The following PDCD6 variants were observed in gnomAD, a reference collection of about 807,000 sequenced individuals.
PDCD6 encodes programmed cell death 6.
Under a neutral mutation model 28.3 loss-of-function variants are expected in PDCD6, and 12 were observed. That is an observed-to-expected ratio of 0.42 (90% CI 0.27 to 0.69). PDCD6 has a LOEUF of 0.69. Ranked by LOEUF, PDCD6 falls within the 30% of genes least tolerant of loss-of-function variation. PDCD6 has a pLI of 0.22. For synonymous variants in PDCD6, 92 were observed against 108.0 expected (o/e 0.85, Z 0.92); for missense variants, 226 against 269.9 (o/e 0.84, Z 1.14).
chr5:271,698 A>T lies in PDCD6; in HGVS notation c.-23A>T. Reference sequence around the variant, plus strand: ...GGTCTCTCGTCGCTGCAGGCGCCTCAGCCCAGCCGCGTGCCTTGGCCCATG... The same window carrying T: ...GGTCTCTCGTCGCTGCAGGCGCCTCTGCCCAGCCGCGTGCCTTGGCCCATG... On this transcript the variant is annotated 5_prime_UTR_variant, in exon 1 of 6. Coordinates refer to ENST00000264933, the MANE Select transcript of PDCD6 (RefSeq NM_013232.4). 1 of 1,438,884 alleles carries T rather than the reference A, an allele frequency of 6.9e-7. No homozygotes were observed. The highest frequency in any genetic ancestry group is 9.5e-7 in the Non-Finnish European group (1 of 1,057,770). 89.1% of individuals were successfully genotyped at this position (1,438,884 alleles called of 1,614,324 possible).
intron 2 of PDCD6, among the ~76,000 whole-genome samples, chr5:285,391 T>C (rs1738884889): frequency 1.3e-5 from 2 of 152,006 alleles, no homozygotes; most frequent in African/African-American, 4.8e-5. Flanking sequence ...GGAGCTGATA[T>C]TCCAGTTTGA....
intron 2 of PDCD6, among the ~76,000 whole-genome samples, chr5:280,120 C>T (rs1160508273): frequency 1.3e-5 from 2 of 151,558 alleles, no homozygotes; most frequent in Non-Finnish European, 2.9e-5. Flanking sequence ...GCCAGCGGGG[C>T]GAGAGGACAC....
chr5:311,751 T>G, intron 5 of PDCD6: 1 of 258,400 alleles, frequency 3.9e-6, no homozygotes, highest in Non-Finnish European at 7.4e-6. Flanking sequence ...GGGAGTGCAG[T>G]GGCACGATCC....
chr5:306,422 A>G (rs1740487301), intron 3 of PDCD6, 180 bp from the exon 4 acceptor site: 1 of 611,520 alleles, frequency 1.6e-6, no homozygotes, highest in Admixed American at 2.5e-5. Context: ...ACCCAGGGCG[A>G]AGGTGACAAG....
In PDCD6 at chr5:314,741, T is replaced by G. The variant is rs1398556913; in HGVS notation, c.*226T>G. On this transcript the variant is annotated 3_prime_UTR_variant, in exon 6 of 6. Coordinates refer to ENST00000264933, the MANE Select transcript of PDCD6 (RefSeq NM_013232.4). Reference sequence around the variant, plus strand: ...ACATTGGATTTGGTGACTGTCTCATTGTGCCATGAGGTAAATGTAATGTTT... The same window carrying G: ...ACATTGGATTTGGTGACTGTCTCATGGTGCCATGAGGTAAATGTAATGTTT... 1 of 633,010 alleles carries G rather than the reference T, an allele frequency of 1.6e-6. No individual in the cohort carries two copies. The highest frequency in any genetic ancestry group is 2.1e-5 in the Admixed American group (1 of 46,566). The allele number at this position is 633,010 out of a possible 1,614,324, so 39.2% of individuals were successfully genotyped here.
intron 2 of PDCD6, among the ~76,000 whole-genome samples, chr5:299,716 AT>A (rs1181115218): frequency 1.3e-5 from 2 of 151,902 alleles, no homozygotes; most frequent in Admixed American, 6.6e-5. Context: ...TGCCTGGCTA[AT>A]TTTTTGTATT....
At chr5:302,759 T>C (rs1346542659) in intron 2 of PDCD6, among the ~76,000 whole-genome samples, 3 of 146,146 alleles carry the variant, frequency 2.1e-5, no homozygotes, top group Non-Finnish European at 4.5e-5. Context: ...CTTCCCTGCA[T>C]AACTGCTGGA....
intron 2 of PDCD6, among the ~76,000 whole-genome samples, chr5:279,371 CT>C (rs1738421138): frequency 6.6e-6 from 1 of 152,070 alleles, no homozygotes. Flanking sequence ...CCCTCTTAGG[CT>C]CTTGATTTTC....
chr5:296,877 G>A (rs6863033), intron 2 of PDCD6, among the ~76,000 whole-genome samples: 1,705 of 152,026 alleles, frequency 0.011, 24 homozygotes, highest in African/African-American at 0.038. Flanking sequence ...GGGTCACCGG[G>A]ATTCGTCTTT....
At chr5:290,254 A>G in intron 2 of PDCD6, 2 of 1,508,894 alleles carry the variant, frequency 1.3e-6, no homozygotes, top group Non-Finnish European at 1.8e-6. Context: ...GATCCAGGAC[A>G]GGACAAACTT....
In PDCD6 at chr5:271,835, C is replaced by T. The variant is rs753920508; in HGVS notation, c.101+14C>T. 6 of 1,367,730 alleles carry T rather than the reference C, an allele frequency of 4.4e-6. No homozygotes were observed. The highest frequency in any genetic ancestry group is 3.0e-5 in the African/African-American group (2 of 65,992). 84.7% of individuals were successfully genotyped at this position (1,367,730 alleles called of 1,614,324 possible). On this transcript the variant is annotated intron_variant, in intron 1 of 5. Coordinates refer to ENST00000264933, the MANE Select transcript of PDCD6 (RefSeq NM_013232.4). The stretch of plus-strand genomic sequence containing the variant: ...CGTTTTCCAGAGGTGCGGCCTGGCA[C>T]CGCCCGGGCACCTCCCGCCTCCGCC...
chr5:284,585 A>G, intron 2 of PDCD6, among the ~76,000 whole-genome samples: 1 of 150,494 alleles, frequency 6.6e-6, no homozygotes, highest in South Asian at 2.1e-4. Context: ...ATGTTCCGGT[A>G]TGAGGGCCAT....
At chr5:303,044 G>A (rs1264864610) in intron 2 of PDCD6, among the ~76,000 whole-genome samples, 2 of 152,200 alleles carry the variant, frequency 1.3e-5, no homozygotes, top group East Asian at 1.9e-4. Context: ...TGGTACCCCC[G>A]TGGAAGTCTC....
intron 2 of PDCD6, among the ~76,000 whole-genome samples, chr5:287,493 C>G (rs971111457): frequency 4.6e-5 from 7 of 151,792 alleles, no homozygotes; most frequent in African/African-American, 1.7e-4. Flanking sequence ...TGATTAATAC[C>G]CTCAGGAATT....
chr5:313,427 T>A (rs1159750255), intron 5 of PDCD6, among the ~76,000 whole-genome samples: 2 of 152,132 alleles, frequency 1.3e-5, no homozygotes, highest in African/African-American at 4.8e-5. Context: ...CTCTGCCAAG[T>A]CAAGGAGCCC....
intron 2 of PDCD6, among the ~76,000 whole-genome samples, chr5:282,745 C>T (rs1738662487): frequency 6.6e-6 from 1 of 150,766 alleles, no homozygotes. Context: ...AACTGGAGAC[C>T]TGGAGAGAAG....
At chr5:280,945 A>T in intron 2 of PDCD6, among the ~76,000 whole-genome samples, 1 of 152,234 alleles carries the variant, frequency 6.6e-6, no homozygotes, top group East Asian at 1.9e-4. Context: ...TAAGGAGGGG[A>T]GTAACAGTTG....
At chr5:290,492 G>A (rs1739252071) in intron 2 of PDCD6, among the ~76,000 whole-genome samples, 1 of 152,106 alleles carries the variant, frequency 6.6e-6, no homozygotes, top group African/African-American at 2.4e-5. Flanking sequence ...GAGAGAGTGA[G>A]ACCAACAGAG....
chr5:290,649 T>G (rs1247752462), intron 2 of PDCD6, among the ~76,000 whole-genome samples: 1 of 152,238 alleles, frequency 6.6e-6, no homozygotes, highest in Non-Finnish European at 1.5e-5. Context: ...TTACCATTTT[T>G]CCTGTGAGGT....
Sources: gnomAD v4.1 joint callset for allele counts (sites outside exome capture counted in the v4.1 genomes callset) on GRCh38, gnomAD v4.1.1 for gene constraint, MANE v1.5 for transcripts, NCBI Gene and HGNC (gene_info 2026-07-23, HGNC 2026-07-21) for gene names.